The following RIF1 variants were observed in gnomAD, a reference collection of about 807,000 sequenced individuals.
The protein encoded by RIF1 is replication timing regulatory factor 1.
In RIF1, 45 loss-of-function variants were observed where a neutral mutation model predicts 247.1. That is an observed-to-expected ratio of 0.18 (90% CI 0.14 to 0.23). The LOEUF (loss-of-function observed/expected upper bound fraction) is 0.23, where lower values mean the gene tolerates loss of function less well. RIF1 is among the 10% of genes least tolerant of loss of function. The probability of loss-of-function intolerance (pLI) is 1.00; values close to 1 mark genes in which losing one functional copy is unlikely to be tolerated. For synonymous variants in RIF1, 1,087 were observed against 978.8 expected (o/e 1.11, Z -2.06); for missense variants, 2,967 against 2,862.5 (o/e 1.04, Z -0.83).
At chr2:151,462,047 A>AT (rs1442992351) in intron 27 of RIF1, among the ~76,000 whole-genome samples, 195 bp from the exon 28 acceptor site, 1 of 151,824 alleles carries the variant, frequency 6.6e-6, no homozygotes, top group East Asian at 1.9e-4. Context: ...CTAATTTTTT[A>AT]TTTTTTGTAG....
chr2:151,471,096 A>G (rs1390272783), intron 34 of RIF1, among the ~76,000 whole-genome samples: 3 of 152,146 alleles, frequency 2.0e-5, no homozygotes, highest in Admixed American at 2.0e-4. Flanking sequence ...TGTCCAGCCA[A>G]TGCCTACTTT....
chr2:151,463,822 G>A lies in RIF1; in HGVS notation c.4302G>A (p.Lys1434=), dbSNP rs1336090124. ...VVESTTESQD[K]ENSHQKKERR... ...AGTCTACCACTGAAAGCCAAGATAAGGAAAATAGTCATCAAAAAAAGGAAC... is the reference window on the plus strand; with the variant it reads ...AGTCTACCACTGAAAGCCAAGATAAAGAAAATAGTCATCAAAAAAAGGAAC... Residue 1434 remains lysine (K), a synonymous_variant, in exon 30 of 36, where the codon AAG becomes AAA. Transcript: ENST00000444746. 6.2e-7 allele frequency: 1 copy of A among 1,611,818 alleles called. No homozygotes were observed. Among genetic ancestry groups the A allele is most frequent in the Non-Finnish European group, 8.5e-7 (1 of 1,179,552 alleles).
intron 11 of RIF1, chr2:151,499,543 G>A (rs1001718403): frequency 1.7e-5 from 9 of 524,878 alleles, no homozygotes; most frequent in African/African-American, 1.4e-4. Flanking sequence ...AGATCTGGGT[G>A]AGAACATGTT....
chr2:151,518,979 GGCTTGT>G, the RIF1 span: 1 of 1,612,208 alleles, frequency 6.2e-7, no homozygotes, highest in Non-Finnish European at 8.5e-7. Flanking sequence ...CTGGCAAGTT[GGCTTGT>G]ATTCAGGACA....
Position 151,464,142 on chromosome 2 carries a change from C to A in RIF1, c.4622C>A (p.Ala1541Glu), listed in dbSNP as rs771196505. ...CGAACACGGTATCAAACTAGAAGAG[C>A]ATCTCAGGGTTTGCTTTCCAGCATT... ...RGRTRYQTRR[A>E]SQGLLSSIEN... The change falls in exon 30 of 36, where the codon GCA becomes GAA. Residue 1541 changes from alanine to glutamate, a missense_variant. Ala to Glu is a moderately radical substitution (Grantham distance 107). Transcript: ENST00000444746. The A allele has an allele frequency of 1.2e-6, 2 of 1,610,100 alleles. No homozygotes were observed. The highest frequency in any genetic ancestry group is 2.2e-5 in the South Asian group (2 of 90,122).
At chr2:151,435,614 T>A (rs753517828) in intron 11 of RIF1, 34 bp downstream of exon 11, 6 of 1,207,190 alleles carry the variant, frequency 5.0e-6, no homozygotes, top group Admixed American at 3.4e-5. Flanking sequence ...TTTGCTTTTT[T>A]AATCAGGCTT....
the RIF1 span, chr2:151,530,826 G>T: frequency 1.8e-6 from 1 of 570,272 alleles, no homozygotes; most frequent in Admixed American, 3.0e-5. Context: ...CTGTTCAGCT[G>T]TGTCCAGTCA....
rs752040835 is a variant in RIF1 at position 151,462,226 on chromosome 2, A to G, written c.3228-16A>G. The G allele has an allele frequency of 6.7e-7, 1 of 1,503,074 alleles. No individual in the cohort carries two copies. The highest frequency in any genetic ancestry group is 9.1e-7 in the Non-Finnish European group (1 of 1,098,432). The allele number at this position is 1,503,074 out of a possible 1,614,324, so 93.1% of individuals were successfully genotyped here. On this transcript the variant is annotated splice_polypyrimidine_tract_variant and intron_variant, in intron 27 of 35. Transcript: ENST00000444746. ...TCATCCGGTTTTTGAAGTTACTTAT[A>G]TATAGTTTTTTTCAGGTGTGATATT...
intron 9 of RIF1, chr2:151,491,508 C>A: frequency 1.9e-6 from 1 of 538,884 alleles, no homozygotes; most frequent in Non-Finnish European, 3.3e-6. Flanking sequence ...CTAACTTGAA[C>A]TTATCTAGAA....
chr2:151,506,609 CAAAA>C lies in RIF1; in HGVS notation c.*1027+235_*1027+238del, dbSNP rs555871503. 2.0e-4 allele frequency among the ~76,000 whole-genome samples: 30 copies of C among 152,214 alleles called. 1 individual carries two copies. Among genetic ancestry groups the C allele is most frequent in the South Asian group, 6.2e-4 (3 of 4,826 alleles). Reference sequence around the variant, plus strand: ...AGTCAGTTATTTGGGGGAGGGATAACAAAAGAAATCACAATGTCAAAAAGAAATC... The same window carrying C: ...AGTCAGTTATTTGGGGGAGGGATAACGAAATCACAATGTCAAAAAGAAATC... On this transcript the variant is annotated intron_variant and NMD_transcript_variant, in intron 13 of 13. Coordinates refer to the RIF1 transcript ENST00000454583.
chr2:151,437,257 G>A lies in RIF1; in HGVS notation c.1389G>A (p.Pro463=), dbSNP rs371011984. 8 of 1,611,932 alleles carry A rather than the reference G, an allele frequency of 5.0e-6. No individual in the cohort carries two copies. The highest frequency in any genetic ancestry group is 1.3e-5 in the African/African-American group (1 of 74,838). ...CCCTTTCAGAGCCATTGGAACATCC[G>A]TTAATCAGCAGCCCTTCCTTTTTTT... The part of the protein sequence containing the change: ...LVLSLEPLEH[P]LISSPSFFSK... Residue 463 remains proline, a synonymous_variant, in exon 13 of 36, where the codon CCG becomes CCA. Transcript: ENST00000444746.
chr2:151,416,442 T>A, intron 4 of RIF1, 119 bp from the exon 5 acceptor site: 1 of 966,704 alleles, frequency 1.0e-6, no homozygotes, highest in South Asian at 1.9e-5. Flanking sequence ...CTCTGATCTG[T>A]TCTCTGGATA....
intron 8 of RIF1, among the ~76,000 whole-genome samples, chr2:151,424,164 C>T (rs1421897269): frequency 2.6e-5 from 4 of 152,182 alleles, no homozygotes; most frequent in African/African-American, 9.7e-5. Flanking sequence ...AGTACAATGG[C>T]GTGATCTTGG....
the RIF1 span, chr2:151,527,057 G>A: frequency 5.0e-6 from 7 of 1,411,692 alleles, no homozygotes; most frequent in South Asian, 1.2e-5. Flanking sequence ...AAAGGGAAGG[G>A]TGACAGCACA....
intron 30 of RIF1, among the ~76,000 whole-genome samples, chr2:151,467,340 T>A (rs1249851953): frequency 6.6e-6 from 1 of 152,178 alleles, no homozygotes; most frequent in Non-Finnish European, 1.5e-5. Flanking sequence ...AGTTGTTTTT[T>A]GTTTTGTTTG....
At chr2:151,490,455 C>G (rs768811942) in intron 9 of RIF1, 1 of 1,607,214 alleles carries the variant, frequency 6.2e-7, no homozygotes. Flanking sequence ...CTTCTCCTCA[C>G]CCCCACTGAT....
At chr2:151,533,549 G>T in the RIF1 span, 1 of 1,542,484 alleles carries the variant, frequency 6.5e-7, no homozygotes, top group Non-Finnish European at 8.8e-7. Context: ...TATTTTCTCT[G>T]TCCATGCAAA....
intron 11 of RIF1, among the ~76,000 whole-genome samples, chr2:151,500,593 C>CTTTTT (rs11428843): frequency 8.4e-6 from 1 of 118,452 alleles, no homozygotes; most frequent in Non-Finnish European, 1.7e-5. Context: ...TTCTTTCTTC[C>CTTTTT]TTTTTTTTTT....
At chr2:151,425,257 T>A (rs1688842803) in intron 8 of RIF1, among the ~76,000 whole-genome samples, 2 of 152,150 alleles carry the variant, frequency 1.3e-5, no homozygotes. Flanking sequence ...GAATTTTTGT[T>A]GTTGAGTTGT....
Sources: allele counts gnomAD v4.1 joint callset (sites outside exome capture counted in the v4.1 genomes callset), GRCh38; gene constraint gnomAD v4.1.1; transcripts MANE v1.5; gene names NCBI Gene and HGNC (gene_info 2026-07-23, HGNC 2026-07-21).